Variants in KDR observed in about 807,000 individuals in gnomAD.
The protein encoded by KDR is kinase insert domain receptor.
KDR carries 43 observed loss-of-function variants against 160.9 expected under a neutral mutation model. The ratio of observed to expected loss-of-function variants is 0.27; its 90% CI spans 0.21 to 0.34. The LOEUF (loss-of-function observed/expected upper bound fraction) is 0.34, where lower values mean the gene tolerates loss of function less well. KDR is among the 10% of genes least tolerant of loss of function. The pLI, the probability that KDR is intolerant of heterozygous loss-of-function variation, is 1.00. For synonymous variants in KDR, 617 were observed against 600.1 expected, an observed-to-expected ratio of 1.03 and a Z score of -0.41; for missense variants, 1,469 against 1,666.4, an observed-to-expected ratio of 0.88 and a Z score of 2.06.
chr4:55,116,897 A>G (rs1720749829), intron 3 of KDR, among the ~76,000 whole-genome samples: 2 of 152,200 alleles, frequency 1.3e-5, no homozygotes, highest in South Asian at 4.1e-4. Flanking sequence ...TTCCTTTCCC[A>G]TTGTTTAACT....
chr4:55,110,373 T>C (rs1275630868), intron 9 of KDR, 30 bp downstream of exon 9: 2 of 1,609,418 alleles, frequency 1.2e-6, no homozygotes, highest in Non-Finnish European at 1.7e-6. Context: ...TAATAAATCT[T>C]GGGCAGAGAG....
intron 9 of KDR, among the ~76,000 whole-genome samples, chr4:55,108,168 C>T (rs566970604): frequency 6.8e-6 from 1 of 146,894 alleles, no homozygotes; most frequent in East Asian, 2.0e-4. Context: ...CAAGACCAGC[C>T]TGGGCCACAT....
intron 27 of KDR, among the ~76,000 whole-genome samples, chr4:55,084,569 A>G (rs2110007229): frequency 6.6e-6 from 1 of 152,270 alleles, no homozygotes; most frequent in South Asian, 2.1e-4. Context: ...TAAGACGGAG[A>G]AACAGGTCTT....
chr4:55,121,037 C>T, intron 2 of KDR, 60 bp downstream of exon 2: 1 of 1,162,130 alleles, frequency 8.6e-7, no homozygotes, highest in Non-Finnish European at 1.3e-6. Flanking sequence ...GAAATTATTT[C>T]CACTCAATAA....
In KDR at chr4:55,079,644, C is replaced by T. The variant is rs1719677751; in HGVS notation, c.*297G>A. ...TTTGAGGATGGGGCCATTTCTTGAA[C>T]GTCTTTGTTCTAAACCCATGGTGAG... On this transcript the variant is annotated 3_prime_UTR_variant, in exon 30 of 30. Transcript: ENST00000263923. 1 of 458,004 alleles carries T rather than the reference C, an allele frequency of 2.2e-6. No individual in the cohort carries two copies. The highest frequency in any genetic ancestry group is 3.7e-5 in the East Asian group (1 of 26,888). 28.4% of individuals were successfully genotyped at this position (458,004 alleles called of 1,614,324 possible). A position where few individuals can be genotyped will look rare whatever the true frequency, so the allele number is the denominator to read the frequency against.
In KDR at chr4:55,115,002, A is replaced by G. The variant is rs1039246901; in HGVS notation, c.530T>C (p.Ile177Thr). The G allele has an allele frequency of 1.1e-5, 18 of 1,613,716 alleles. No individual in the cohort carries two copies. In the Admixed American group the frequency reaches 3.0e-4, roughly 27 times the overall value. The change falls in exon 5 of 30, where the codon ATT becomes ACT. Residue 177 changes from isoleucine (I) to threonine (T), a missense_variant. Transcript: ENST00000263923. ...AAAGCCCTTCTTGCTGTCCCAGGAA[A>G]TTCTGTTACCATCAGGAACAAATCT... Reference protein sequence around the residue: ...EKRFVPDGNRISWDSKKGFTI... With the variant: ...EKRFVPDGNRTSWDSKKGFTI...
intron 20 of KDR, among the ~76,000 whole-genome samples, chr4:55,095,203 T>C (rs1219876521): frequency 4.6e-5 from 7 of 152,150 alleles, no homozygotes; most frequent in African/African-American, 1.7e-4. Context: ...ACATTTTGAG[T>C]TGCATTCAGA....
intron 27 of KDR, among the ~76,000 whole-genome samples, chr4:55,083,734 T>C (rs1450288795): frequency 6.6e-6 from 1 of 152,004 alleles, no homozygotes. Context: ...ACATGCTGCA[T>C]AGACCTTGGG....
chr4:55,078,738 A>C lies in KDR; in HGVS notation c.*1203T>G, dbSNP rs1224115743. The C allele has an allele frequency of 4.3e-6, 1 of 232,844 alleles. No homozygotes were observed. The highest frequency in any genetic ancestry group is 8.5e-6 in the Non-Finnish European group (1 of 117,868). The allele number at this position is 232,844 out of a possible 1,614,324, so 14.4% of individuals were successfully genotyped here. On this transcript the variant is annotated 3_prime_UTR_variant, in exon 30 of 30. Transcript: ENST00000263923. ...CATTTTCTTTTTTGAAAAAAAGGAC[A>C]GAACAAGGGCAAAAATCAGTAGAAA...
intron 15 of KDR, among the ~76,000 whole-genome samples, chr4:55,099,259 TC>T (rs1169843793): frequency 1.3e-5 from 2 of 151,984 alleles, no homozygotes; most frequent in Non-Finnish European, 2.9e-5. Flanking sequence ...CCTCTAGCCA[TC>T]CCCCCTGCCT....
rs1719694469 is a variant in KDR, at chr4:55,080,125, G to T, written c.3887C>A (p.Ser1296Tyr). ...GCCGCTTGTCTGGTTTGAGCCTTCA[G>T]ATGCCACAGACTCCCTGCTTTTGCT... ...VPSKSRESVA[S>Y]EGSNQTSGYQ... The change falls in exon 30 of 30, where the codon TCT (serine) becomes TAT (tyrosine). Residue 1296 changes from serine (S) to tyrosine (Y), a missense_variant. Physicochemically the swap from Ser to Tyr is moderately radical, Grantham distance 144. Around this residue, in one of 7 missense-constraint regions of KDR, gnomAD observed 229 missense variants for 197.8 expected, o/e 1.16. Coordinates refer to ENST00000263923, the MANE Select transcript of KDR (RefSeq NM_002253.4). The T allele has an allele frequency of 2.5e-6, 4 of 1,613,858 alleles. No individual in the cohort carries two copies. The highest frequency in any genetic ancestry group is 2.2e-5 in the South Asian group (2 of 91,058).
intron 5 of KDR, 42 bp downstream of exon 5, chr4:55,114,832 A>C (rs748777522): frequency 6.7e-7 from 1 of 1,494,820 alleles, no homozygotes; most frequent in South Asian, 1.1e-5. Flanking sequence ...TCTTAATACA[A>C]GGATATGTTA....
rs533457664 is a variant in KDR at position 55,092,471 on chromosome 4, G to C, written c.3069+146C>G. On this transcript the variant is annotated intron_variant, in intron 22 of 29. Transcript: ENST00000263923. ...TAACCACTCTTACTCAGCAGAAACA[G>C]AGCCTCCCCAGTAGAGCTCTTCTAA... 8 of 702,598 alleles carry C rather than the reference G, an allele frequency of 1.1e-5. No homozygotes were observed. In the African/African-American group the frequency reaches 1.4e-4, roughly 12 times the overall value. The allele number at this position is 702,598 out of a possible 1,614,324, so 43.5% of individuals were successfully genotyped here.
At chr4:55,095,478 A>G in intron 20 of KDR, 99 bp downstream of exon 20, 2 of 839,670 alleles carry the variant, frequency 2.4e-6, no homozygotes, top group Non-Finnish European at 4.1e-6. Context: ...GATTCCTCAC[A>G]AGTTCTTCAC....
intron 2 of KDR, among the ~76,000 whole-genome samples, chr4:55,120,284 T>C (rs1368155102): frequency 2.6e-5 from 4 of 152,078 alleles, no homozygotes; most frequent in African/African-American, 7.2e-5. Context: ...TCCAGGAGGG[T>C]AACATCACCT....
At chr4:55,102,774 G>A (rs1720346959) in intron 13 of KDR, among the ~76,000 whole-genome samples, 1 of 152,050 alleles carries the variant, frequency 6.6e-6, no homozygotes, top group Non-Finnish European at 1.5e-5. Flanking sequence ...TCACCTTTAT[G>A]GATTTTTCCT....
rs144265910 is a variant in KDR, at chr4:55,079,993, G to A, written c.4019C>T (p.Ala1340Val). The A allele has an allele frequency of 3.2e-5, 52 of 1,614,036 alleles. No individual in the cohort carries two copies. Among genetic ancestry groups the A allele is most frequent in the Non-Finnish European group, 4.2e-5 (49 of 1,180,044 alleles). ...IEIGVQTGST[A>V]QILQPDSGTT... ...CCCCGAGTCAGGCTGGAGAATCTGGGCTGTGCTACCGGTTTGCACTCCAAT... is the reference window on the plus strand; with the variant it reads ...CCCCGAGTCAGGCTGGAGAATCTGGACTGTGCTACCGGTTTGCACTCCAAT... The change falls in exon 30 of 30, where the codon GCC becomes GTC. Residue 1340 changes from alanine (A) to valine (V), a missense_variant. By Grantham distance (64) the Ala-to-Val change is moderately conservative. Coordinates refer to ENST00000263923, the MANE Select transcript of KDR (RefSeq NM_002253.4).
In KDR at chr4:55,078,963, A is replaced by T. The variant is rs1031302128; in HGVS notation, c.*978T>A. 1.7e-5 allele frequency: 4 copies of T among 233,114 alleles called. No homozygotes were observed. The highest frequency in any genetic ancestry group is 3.4e-5 in the Non-Finnish European group (4 of 118,082). 14.4% of individuals were successfully genotyped at this position (233,114 alleles called of 1,614,324 possible). ...GGACAGGGGGAAGAACAAAAGGGTAAAATCCTTCCTGAAACTTTGACACCA... is the reference window on the plus strand; with the variant it reads ...GGACAGGGGGAAGAACAAAAGGGTATAATCCTTCCTGAAACTTTGACACCA... On this transcript the variant is annotated 3_prime_UTR_variant, in exon 30 of 30. Transcript: ENST00000263923.
chr4:55,110,851 A>G, intron 7 of KDR, 83 bp from the exon 8 acceptor site: 1 of 1,169,324 alleles, frequency 8.6e-7, no homozygotes, highest in Non-Finnish European at 1.3e-6. Flanking sequence ...TGAAACGTCA[A>G]AGACCTTGAG....
Sources: gnomAD v4.1 joint callset for allele counts (sites outside exome capture counted in the v4.1 genomes callset) on GRCh38, gnomAD v4.1.1 for gene constraint, gnomAD v4.1.1 regional missense constraint, MANE v1.5 for transcripts, NCBI Gene and HGNC (gene_info 2026-07-23, HGNC 2026-07-21) for gene names.